SARDH: variants seen among roughly 807,000 people sequenced by gnomAD.
The protein encoded by SARDH is sarcosine dehydrogenase.
Under a neutral mutation model 109.1 loss-of-function variants are expected in SARDH, and 95 were observed. The ratio of observed to expected loss-of-function variants is 0.87; its 90% CI spans 0.74 to 1.03. The LOEUF (loss-of-function observed/expected upper bound fraction) is 1.03. SARDH is among the 50% of genes least tolerant of loss of function. SARDH has a pLI of 0.00. For missense variants in SARDH, 1,267 were observed against 1,287.8 expected, an observed-to-expected ratio of 0.98 and a Z score of 0.25; for synonymous variants, 572 against 534.8, an observed-to-expected ratio of 1.07 and a Z score of -0.96.
At chr9:133,665,949 C>G (rs989947503) in intron 20 of SARDH, among the ~76,000 whole-genome samples, 47 of 152,230 alleles carry the variant, frequency 3.1e-4, no homozygotes, top group African/African-American at 1.1e-3. Flanking sequence ...GAGACACGAC[C>G]CTCCTCACCG....
At position 133,693,486 on chromosome 9, in the gene SARDH, G is replaced by C. The variant is rs1043622193; in HGVS notation, c.1921+772C>G. ...TCCCCGCTGACTGTGCCCCTGCCCC[G>C]GGGACAGCACAGAGAGCTGCACGGT... On this transcript the variant is annotated intron_variant, in intron 15 of 20. Transcript: ENST00000439388. The surrounding 1 kb of genome is among the most constrained non-coding windows in gnomAD (Gnocchi z 5.6). Among the ~76,000 whole-genome samples, 1 of 152,176 alleles carries C rather than the reference G, an allele frequency of 6.6e-6. No homozygotes were observed. The highest frequency in any genetic ancestry group is 2.1e-4 in the South Asian group (1 of 4,820).
Position 133,686,277 on chromosome 9 carries a change from A to C in SARDH, c.2070-991T>G, listed in dbSNP as rs1281813390. Among the ~76,000 whole-genome samples, 2 of 151,886 alleles carry C rather than the reference A, an allele frequency of 1.3e-5. No homozygotes were observed. The highest frequency in any genetic ancestry group is 4.8e-5 in the African/African-American group (2 of 41,340). ...GGAGACCTCACTGGAGCCAACACCCATGGTCTCCCAGGAAGCCCTCACCTC... is the reference window on the plus strand; with the variant it reads ...GGAGACCTCACTGGAGCCAACACCCCTGGTCTCCCAGGAAGCCCTCACCTC... On this transcript the variant is annotated intron_variant, in intron 16 of 20. Transcript: ENST00000439388. This position sits in a 1 kb window ranked among gnomAD's most constrained non-coding sequence, Gnocchi z 4.0.
chr9:133,693,081 A>C lies in SARDH; in HGVS notation c.1921+1177T>G, dbSNP rs1318255154. 5.0e-4 allele frequency among the ~76,000 whole-genome samples: 56 copies of C among 111,864 alleles called. No individual in the cohort carries two copies. The highest frequency in any genetic ancestry group is 8.3e-4 in the African/African-American group (24 of 28,764). The allele number at this position is 111,864 out of a possible 152,430, so 73.4% of individuals were successfully genotyped here. A position where few individuals can be genotyped will look rare whatever the true frequency, so the allele number is the denominator to read the frequency against. Reference sequence around the variant, plus strand: ...TTCCCACCCTGGCCCCCAATATCCCACCCCCTCCGGTCTTCATTTTTCCTC... The same window carrying C: ...TTCCCACCCTGGCCCCCAATATCCCCCCCCCTCCGGTCTTCATTTTTCCTC... On this transcript the variant is annotated intron_variant, in intron 15 of 20. Coordinates refer to ENST00000439388, the MANE Select transcript of SARDH (RefSeq NM_001134707.2). This position sits in a 1 kb window ranked among gnomAD's most constrained non-coding sequence, Gnocchi z 5.6.
downstream of SARDH, among the ~76,000 whole-genome samples, chr9:133,661,476 ACTTT>A (rs1211858248): frequency 6.6e-6 from 1 of 150,788 alleles, no homozygotes; most frequent in Non-Finnish European, 1.5e-5. Flanking sequence ...CGATGTAGGC[ACTTT>A]CTTTTTTTTG....
In SARDH at chr9:133,696,352, CCTT is replaced by C. The variant is rs772404117; in HGVS notation, c.1675_1677del (p.Lys559del). 51 of 1,613,932 alleles carry C rather than the reference CCTT, an allele frequency of 3.2e-5. No individual in the cohort carries two copies. The highest frequency in any genetic ancestry group is 5.3e-5 in the African/African-American group (4 of 74,930). On this transcript the variant is annotated inframe_deletion, in exon 14 of 21. Coordinates refer to ENST00000439388, the MANE Select transcript of SARDH (RefSeq NM_001134707.2). Reference sequence around the variant, plus strand: ...GCGGCCCCTCTGCAGGCCAGGCACTCCTTCTTGATCTGAAAAGTTCCAGACAGG... The same window carrying C: ...GCGGCCCCTCTGCAGGCCAGGCACTCCTTGATCTGAAAAGTTCCAGACAGG...
intron 1 of SARDH, among the ~76,000 whole-genome samples, chr9:133,735,292 C>T (rs1025446780): frequency 6.6e-6 from 1 of 152,152 alleles, no homozygotes; most frequent in Non-Finnish European, 1.5e-5. Flanking sequence ...CCTGGGATTG[C>T]AGAGTAGGGG....
At chr9:133,722,463 T>C (rs1404697394) in intron 6 of SARDH, among the ~76,000 whole-genome samples, 1 of 152,072 alleles carries the variant, frequency 6.6e-6, no homozygotes, top group African/African-American at 2.4e-5. Flanking sequence ...GAGAAAGATA[T>C]CCATTCTTAC....
At chr9:133,690,359 G>T in intron 16 of SARDH, 21 bp downstream of exon 16, 3 of 1,597,498 alleles carry the variant, frequency 1.9e-6, no homozygotes, top group Non-Finnish European at 2.6e-6. Context: ...ACCCAGGGGC[G>T]GGCTCCCAGT....
At chr9:133,717,600 C>A in intron 7 of SARDH, 145 bp from the exon 8 acceptor site, 1 of 1,219,856 alleles carries the variant, frequency 8.2e-7, no homozygotes, top group Non-Finnish European at 1.1e-6. Context: ...CACGTCCCAG[C>A]CGTTTGTCTC....
chr9:133,670,844 C>T, intron 18 of SARDH, 92 bp from the exon 19 acceptor site: 2 of 1,421,248 alleles, frequency 1.4e-6, no homozygotes, highest in Non-Finnish European at 9.2e-7. Flanking sequence ...CCCACCCCCT[C>T]CAGCCCCTAG....
rs937630987 is a variant in SARDH, at chr9:133,705,044, G to A, written c.1471-13C>T. 2.2e-5 allele frequency: 35 copies of A among 1,581,674 alleles called. No homozygotes were observed. Among genetic ancestry groups the A allele is most frequent in the Non-Finnish European group, 3.0e-5 (35 of 1,164,216 alleles). ...GTCCAAGGAGTTCCTGAGCAGGAGT[G>A]GGGAACAGGCATCTGTCACGCATGG... On this transcript the variant is annotated splice_polypyrimidine_tract_variant and intron_variant, in intron 11 of 20. Coordinates refer to ENST00000439388, the MANE Select transcript of SARDH (RefSeq NM_001134707.2).
chr9:133,727,319 C>T (rs999202288), intron 6 of SARDH, among the ~76,000 whole-genome samples: 24 of 152,354 alleles, frequency 1.6e-4, no homozygotes, highest in African/African-American at 5.5e-4. Context: ...GACCTGAGCC[C>T]TCACCTGCCA....
At chr9:133,696,405 G>A in intron 13 of SARDH, 44 bp from the exon 14 acceptor site, 1 of 1,612,950 alleles carries the variant, frequency 6.2e-7, no homozygotes, top group Middle Eastern at 1.7e-4. Flanking sequence ...GGGCCTTTGG[G>A]GTGTGCTTCT....
chr9:133,696,127 G>T, intron 14 of SARDH, 96 bp downstream of exon 14: 1 of 1,476,978 alleles, frequency 6.8e-7, no homozygotes, highest in Non-Finnish European at 9.2e-7. Flanking sequence ...TGCTCAGGGT[G>T]CCCGAGGGGA....
rs7854480 is a variant in SARDH at position 133,666,985 on chromosome 9, G to C, written c.2496-115C>G. On this transcript the variant is annotated intron_variant, in intron 19 of 20. Transcript: ENST00000439388. This position sits in a 1 kb window ranked among gnomAD's most constrained non-coding sequence, Gnocchi z 5.2. Reference sequence around the variant, plus strand: ...TGATGCACACCCAACCGTGGCTCCAGGCAGATAGGGCTGGCCTACTAGGAC... The same window carrying C: ...TGATGCACACCCAACCGTGGCTCCACGCAGATAGGGCTGGCCTACTAGGAC... 0.55 allele frequency: 777,307 copies of C among 1,421,860 alleles called. 218,002 individuals are homozygous for C. Among genetic ancestry groups the C allele is most frequent in the East Asian group, 0.89 (36,197 of 40,726 alleles). 88.1% of individuals were successfully genotyped at this position (1,421,860 alleles called of 1,614,324 possible).
chr9:133,698,100 C>T (rs1265035389), intron 13 of SARDH, among the ~76,000 whole-genome samples: 5 of 140,054 alleles, frequency 3.6e-5, no homozygotes, highest in Admixed American at 1.4e-4. Flanking sequence ...TATATAAAAA[C>T]ACACAAAAAA....
At chr9:133,676,680 C>A (rs1459511963) in intron 17 of SARDH, among the ~76,000 whole-genome samples, 1 of 152,178 alleles carries the variant, frequency 6.6e-6, no homozygotes, top group African/African-American at 2.4e-5. Context: ...CTGCGTCCAA[C>A]AGAAGGTCAA....
At position 133,718,320 on chromosome 9, in the gene SARDH, C is replaced by T. The variant is rs1486782323; in HGVS notation, c.1020+618G>A. The T allele has an allele frequency of 5.5e-6, 1 of 180,834 alleles. No homozygotes were observed. The highest frequency in any genetic ancestry group is 5.8e-5 in the Admixed American group (1 of 17,228). The allele number at this position is 180,834 out of a possible 1,614,324, so 11.2% of individuals were successfully genotyped here. ...TTCCTGACCTCAGGTGGTCCGCCCA[C>T]CTCAGCCTCCCAAAGTGCTGGGATT... On this transcript the variant is annotated intron_variant, in intron 7 of 20. Coordinates refer to ENST00000439388, the MANE Select transcript of SARDH (RefSeq NM_001134707.2). This position sits in a 1 kb window ranked among gnomAD's most constrained non-coding sequence, Gnocchi z 4.2.
intron 17 of SARDH, among the ~76,000 whole-genome samples, chr9:133,677,365 G>T (rs539695986): frequency 6.6e-6 from 1 of 152,286 alleles, no homozygotes; most frequent in East Asian, 1.9e-4. Context: ...GAAAGAATCC[G>T]TAGGGGATGC....
Sources: gnomAD v4.1 joint callset for allele counts (sites outside exome capture counted in the v4.1 genomes callset) on GRCh38, gnomAD v4.1.1 for gene constraint, Gnocchi (gnomAD v3.1) non-coding constraint, MANE v1.5 for transcripts, NCBI Gene and HGNC (gene_info 2026-07-23, HGNC 2026-07-21) for gene names.